Variants in LRRC36 observed in about 807,000 individuals in gnomAD.
The protein encoded by LRRC36 is leucine-rich repeat-containing protein 36.
Under a neutral mutation model 81.1 loss-of-function variants are expected in LRRC36, and 62 were observed. The observed-to-expected ratio is 0.76, with a 90% CI of 0.62 to 0.94. The LOEUF is 0.94. LRRC36 is among the 40% of genes least tolerant of loss of function. The pLI is 0.00. For synonymous variants in LRRC36, 334 were observed against 348.6 expected, an observed-to-expected ratio of 0.96 and a Z score of 0.47; for missense variants, 761 against 881.7, an observed-to-expected ratio of 0.86 and a Z score of 1.73.
chr16:67,343,566 G>A (rs1014212144), intron 2 of LRRC36, among the ~76,000 whole-genome samples: 3 of 151,716 alleles, frequency 2.0e-5, no homozygotes, highest in African/African-American at 7.3e-5. Context: ...GTGGTGGCAG[G>A]CGCCTGTAGT....
chr16:67,365,543 C>T (rs918761973), intron 7 of LRRC36, among the ~76,000 whole-genome samples, 188 bp downstream of exon 7: 2 of 152,126 alleles, frequency 1.3e-5, no homozygotes, highest in Non-Finnish European at 2.9e-5. Flanking sequence ...AGTGCATATT[C>T]TGACCTCCTT....
In LRRC36 at chr16:67,385,044, T is replaced by A. The variant is rs752245683; in HGVS notation, c.2220T>A (p.Tyr740Ter). The change falls in exon 14 of 14, where the codon TAT becomes TAA. Residue 740 changes from tyrosine (Y) to a stop codon, truncating the protein, a stop_gained. Transcript: ENST00000329956. LOFTEE classifies it high-confidence loss of function. ...CAGTGGCACATGAGACTGGTCAGTATCTAATACAGAGCGTCTTGGATGCTG... is the reference window on the plus strand; with the variant it reads ...CAGTGGCACATGAGACTGGTCAGTAACTAATACAGAGCGTCTTGGATGCTG... Reference protein sequence around the residue: ...SSPVAHETGQYLIQSVLDAAP... With the variant: ...SSPVAHETGQ 6 of 1,614,050 alleles carry A rather than the reference T, an allele frequency of 3.7e-6. No homozygotes were observed. The Admixed American group carries it at 6.7e-5, about 18-fold the overall frequency.
In LRRC36 at chr16:67,334,130, C is replaced by T. The variant is rs548297199; in HGVS notation, c.70+7198C>T. ...CACCGCAAGCTCTGTCTCCCAGATT[C>T]ACACCATTCTCCTGCCTCAGCCTCC... On this transcript the variant is annotated intron_variant, in intron 1 of 13. Transcript: ENST00000329956. Among the ~76,000 whole-genome samples the T allele has an allele frequency of 4.0e-5, 6 of 151,042 alleles. No homozygotes were observed. In the South Asian group the frequency reaches 1.3e-3, roughly 32 times the overall value.
intron 12 of LRRC36, among the ~76,000 whole-genome samples, chr16:67,379,238 C>T (rs1043156845): frequency 2.0e-5 from 3 of 151,636 alleles, no homozygotes; most frequent in Non-Finnish European, 4.4e-5. Context: ...GTCTGGGAAA[C>T]ATAGTGAGAA....
chr16:67,362,938 C>T lies in LRRC36; in HGVS notation c.578-652C>T, dbSNP rs1042168908. ...GATTATAGGCGCGCGCCACCACTCC[C>T]GGCCCGGCTAATTTTTGTATTTTTA... On this transcript the variant is annotated intron_variant, in intron 5 of 13. Transcript: ENST00000329956. Among the ~76,000 whole-genome samples the T allele has an allele frequency of 3.3e-5, 5 of 151,974 alleles. No homozygotes were observed. The South Asian group carries it at 6.2e-4, about 19-fold the overall frequency.
At position 67,371,146 on chromosome 16, in the gene LRRC36, G is replaced by C. The variant is rs1002310024; in HGVS notation, c.1398G>C (p.Arg466Ser). The part of the protein sequence containing the change: ...TSEHRKIFTK[R>S]SLSPSKRGFK... ...AACACAGAAAGATTTTTACCAAGAG[G>C]TCACTAAGCCCATCGAAGAGAGGAT... Residue 466 changes from arginine to serine, a missense_variant, in exon 9 of 14, where the codon AGG becomes AGC. Arg to Ser is a moderately radical substitution (Grantham distance 110, BLOSUM62 -1). Transcript: ENST00000329956. 2.5e-6 allele frequency: 4 copies of C among 1,614,054 alleles called. No individual in the cohort carries two copies. In the African/African-American group the frequency reaches 5.3e-5, roughly 22 times the overall value.
In LRRC36 at chr16:67,335,956, C is replaced by G. The variant is rs557705332; in HGVS notation, c.71-6001C>G. Among the ~76,000 whole-genome samples, 115 of 152,202 alleles carry G rather than the reference C, an allele frequency of 7.6e-4. 1 individual carries two copies. The highest frequency in any genetic ancestry group is 1.4e-3 in the Non-Finnish European group (94 of 68,000). Reference sequence around the variant, plus strand: ...CAGGTTGGTCAGGCTGGTCTCAAACCCCCAGCCTCAGGTGATCCGCCCGTC... The same window carrying G: ...CAGGTTGGTCAGGCTGGTCTCAAACGCCCAGCCTCAGGTGATCCGCCCGTC... On this transcript the variant is annotated intron_variant, in intron 1 of 13. Coordinates refer to ENST00000329956, the MANE Select transcript of LRRC36 (RefSeq NM_018296.6).
At chr16:67,366,737 G>A (rs1034475921) in intron 7 of LRRC36, among the ~76,000 whole-genome samples, 3 of 146,542 alleles carry the variant, frequency 2.0e-5, no homozygotes, top group African/African-American at 8.2e-5. Context: ...GCGACAGAGT[G>A]AGACCCTGTC....
intron 9 of LRRC36, among the ~76,000 whole-genome samples, chr16:67,373,042 C>A (rs1221349281): frequency 2.0e-5 from 3 of 151,984 alleles, no homozygotes; most frequent in Non-Finnish European, 2.9e-5. Context: ...AATTTTTTAA[C>A]CTCTATTTCA....
chr16:67,349,311 T>G (rs2038505032), intron 4 of LRRC36, among the ~76,000 whole-genome samples: 1 of 152,142 alleles, frequency 6.6e-6, no homozygotes, highest in Non-Finnish European at 1.5e-5. Flanking sequence ...GGTGAAGTTT[T>G]TTTTTTTTTA....
intron 4 of LRRC36, among the ~76,000 whole-genome samples, chr16:67,347,807 A>G (rs151064867): frequency 1.8e-4 from 28 of 152,292 alleles, no homozygotes; most frequent in Admixed American, 3.9e-4. Context: ...AACTTTGGGT[A>G]TAATTGTTAG....
rs2040248483 is a variant in LRRC36 at position 67,385,085 on chromosome 16, T to G, written c.2261T>G (p.Leu754Ter). The change falls in exon 14 of 14, where the codon TTA becomes TGA. Residue 754 changes from leucine to a stop codon, truncating the protein, a stop_gained. Coordinates refer to ENST00000329956, the MANE Select transcript of LRRC36 (RefSeq NM_018296.6). LOFTEE classifies it high-confidence loss of function. ...TTGGATGCTGCCCCAGAGCCTGGCTTATAGAGCTAGCATGGAACTCACACC... is the reference window on the plus strand; with the variant it reads ...TTGGATGCTGCCCCAGAGCCTGGCTGATAGAGCTAGCATGGAACTCACACC... Reference protein sequence around the residue: ...SVLDAAPEPGL With the variant: ...SVLDAAPEPG 1.2e-6 allele frequency: 2 copies of G among 1,613,002 alleles called. No individual in the cohort carries two copies. The highest frequency in any genetic ancestry group is 4.5e-5 in the East Asian group (2 of 44,870).
chr16:67,341,470 T>C (rs916820124), intron 1 of LRRC36, among the ~76,000 whole-genome samples: 47 of 151,736 alleles, frequency 3.1e-4, no homozygotes, highest in African/African-American at 1.1e-3. Context: ...GCAGATGTAG[T>C]ATATTGTCTT....
At chr16:67,383,027 C>T (rs906765407) in intron 13 of LRRC36, among the ~76,000 whole-genome samples, 6 of 142,654 alleles carry the variant, frequency 4.2e-5, no homozygotes, top group East Asian at 2.1e-4. Context: ...AAGCCGAGAT[C>T]GCGCCATTGC....
intron 13 of LRRC36, among the ~76,000 whole-genome samples, chr16:67,384,305 A>C (rs1381187986): frequency 6.6e-6 from 1 of 152,128 alleles, no homozygotes; most frequent in African/African-American, 2.4e-5. Flanking sequence ...GTGGTGGTGC[A>C]CACCTGTAAT....
chr16:67,355,377 T>C (rs1159010158), intron 5 of LRRC36, among the ~76,000 whole-genome samples: 1 of 133,784 alleles, frequency 7.5e-6, no homozygotes, highest in Admixed American at 7.3e-5. Context: ...TTTTTTTTTT[T>C]TTTTTTTTTT....
At chr16:67,330,003 C>T (rs185551533) in intron 1 of LRRC36, among the ~76,000 whole-genome samples, 2 of 152,272 alleles carry the variant, frequency 1.3e-5, no homozygotes, top group East Asian at 3.9e-4. Context: ...GATCTGTAGG[C>T]TCCCCATTTT....
At chr16:67,369,798 A>C (rs1329835411) in intron 8 of LRRC36, among the ~76,000 whole-genome samples, 1 of 152,172 alleles carries the variant, frequency 6.6e-6, no homozygotes, top group East Asian at 1.9e-4. Context: ...TATCACCAAG[A>C]ACAGCATGGG....
At chr16:67,367,998 G>T (rs996547074) in intron 8 of LRRC36, among the ~76,000 whole-genome samples, 2 of 152,222 alleles carry the variant, frequency 1.3e-5, no homozygotes, top group African/African-American at 4.8e-5. Context: ...GGCAGAGGTT[G>T]CAGTAAGCCA....
Sources: allele counts gnomAD v4.1 joint callset (sites outside exome capture counted in the v4.1 genomes callset), GRCh38; gene constraint gnomAD v4.1.1; transcripts MANE v1.5; gene names NCBI Gene and HGNC (gene_info 2026-07-23, HGNC 2026-07-21).